Variants in FHIP2A observed in about 807,000 individuals in gnomAD.
FHIP2A encodes the protein family with sequence similarity 160 member B1.
FHIP2A carries 46 observed loss-of-function variants against 93.5 expected under a neutral mutation model. That is an observed-to-expected ratio of 0.49 (90% confidence interval 0.39 to 0.63). The LOEUF (loss-of-function observed/expected upper bound fraction) is 0.63, where lower values mean the gene tolerates loss of function less well. FHIP2A is among the 20% of genes least tolerant of loss of function. FHIP2A has a pLI of 0.00. For missense variants in FHIP2A, 769 were observed against 909.7 expected, an observed-to-expected ratio of 0.85 and a Z score of 1.99; for synonymous variants, 332 against 326.5, an observed-to-expected ratio of 1.02 and a Z score of -0.18.
rs1015044708 is a variant in FHIP2A, at chr10:114,862,024, T to C, written c.*484T>C. On this transcript the variant is annotated 3_prime_UTR_variant, in exon 17 of 17. Coordinates refer to ENST00000369248, the MANE Select transcript of FHIP2A (RefSeq NM_020940.4). ...CTTATCAAACAAAATATGAAAACTG[T>C]AAATGAGAAAAAAATACAATTCAGA... 2 of 967,892 alleles carry C rather than the reference T, an allele frequency of 2.1e-6. No homozygotes were observed. The highest frequency in any genetic ancestry group is 6.1e-5 in the Admixed American group (1 of 16,268). The allele number at this position is 967,892 out of a possible 1,614,324, so 60.0% of individuals were successfully genotyped here. A position where few individuals can be genotyped will look rare whatever the true frequency, so the allele number is the denominator to read the frequency against.
chr10:114,855,112 T>G, intron 13 of FHIP2A, 85 bp from the exon 14 acceptor site: 1 of 1,441,574 alleles, frequency 6.9e-7, no homozygotes, highest in Non-Finnish European at 9.5e-7. Context: ...AAATGGTTTT[T>G]TATATGCCTA....
chr10:114,829,650 A>C (rs1399407248), intron 1 of FHIP2A, among the ~76,000 whole-genome samples: 2 of 152,184 alleles, frequency 1.3e-5, no homozygotes, highest in African/African-American at 2.4e-5. Context: ...CGTGTGACTA[A>C]GAATGCCTAA....
Position 114,862,048 on chromosome 10 carries a change from GAA to G in FHIP2A, c.*510_*511del, listed in dbSNP as rs1373155676. 1 of 965,986 alleles carries G rather than the reference GAA, an allele frequency of 1.0e-6. No homozygotes were observed. Among genetic ancestry groups the G allele is most frequent in the Non-Finnish European group, 1.2e-6 (1 of 812,150 alleles). The allele number at this position is 965,986 out of a possible 1,614,324, so 59.8% of individuals were successfully genotyped here. A position where few individuals can be genotyped will look rare whatever the true frequency, so the allele number is the denominator to read the frequency against. ...GTAAATGAGAAAAAAATACAATTCA[GAA>G]ACCATTGAATGAATTAATTATAGGC... On this transcript the variant is annotated 3_prime_UTR_variant, in exon 17 of 17. Transcript: ENST00000369248.
intron 5 of FHIP2A, among the ~76,000 whole-genome samples, chr10:114,840,735 G>T (rs1363259723): frequency 6.6e-6 from 1 of 152,174 alleles, no homozygotes. Flanking sequence ...GAACCAATAA[G>T]GCTGCTGCTA....
At position 114,843,848 on chromosome 10, in the gene FHIP2A, A is replaced by C; in HGVS notation, c.924A>C (p.Leu308=). 6.2e-7 allele frequency: 1 copy of C among 1,611,834 alleles called. No individual in the cohort carries two copies. The highest frequency in any genetic ancestry group is 1.1e-5 in the South Asian group (1 of 90,672). The change falls in exon 7 of 17, where the codon CTA becomes CTC. Residue 308 remains leucine, a synonymous_variant. Transcript: ENST00000369248. The part of the protein sequence containing the change: ...CLTQSTCLCE[L]LTDRLASLYK... ...CACAGAGCACTTGCTTGTGTGAACT[A>C]CTGACAGACAGACTTGCCTCCCTGT...
downstream of FHIP2A, among the ~76,000 whole-genome samples, chr10:114,866,619 G>A (rs1267722116): frequency 6.6e-6 from 1 of 152,074 alleles, no homozygotes; most frequent in East Asian, 1.9e-4. Context: ...CTATGAACCA[G>A]GTATTAAGGT....
In FHIP2A at chr10:114,861,988, A is replaced by C. The variant is rs1158016401; in HGVS notation, c.*448A>C. Reference sequence around the variant, plus strand: ...AAATCACTAATTTTATAACTTTTTAAGGTCAGAATTCTTATCAAACAAAAT... The same window carrying C: ...AAATCACTAATTTTATAACTTTTTACGGTCAGAATTCTTATCAAACAAAAT... On this transcript the variant is annotated 3_prime_UTR_variant, in exon 17 of 17. Coordinates refer to ENST00000369248, the MANE Select transcript of FHIP2A (RefSeq NM_020940.4). 3.7e-5 allele frequency: 36 copies of C among 979,282 alleles called. No individual in the cohort carries two copies. The highest frequency in any genetic ancestry group is 4.2e-5 in the Non-Finnish European group (35 of 824,020). The allele number at this position is 979,282 out of a possible 1,614,324, so 60.7% of individuals were successfully genotyped here. A position where few individuals can be genotyped will look rare whatever the true frequency, so the allele number is the denominator to read the frequency against.
In FHIP2A at chr10:114,822,061, C is replaced by T; in HGVS notation, c.-18C>T. 1 of 1,301,078 alleles carries T rather than the reference C, an allele frequency of 7.7e-7. No individual in the cohort carries two copies. Among genetic ancestry groups the T allele is most frequent in the Non-Finnish European group, 1.0e-6 (1 of 1,002,288 alleles). 80.6% of individuals were successfully genotyped at this position (1,301,078 alleles called of 1,614,324 possible). ...CTCCAGGTCGTCCCGGGAGAGGCTG[C>T]TGCAGTCCCGGGACAGGATGTTCTC... On this transcript the variant is annotated 5_prime_UTR_variant, in exon 1 of 17. Coordinates refer to ENST00000369248, the MANE Select transcript of FHIP2A (RefSeq NM_020940.4).
intron 14 of FHIP2A, among the ~76,000 whole-genome samples, chr10:114,856,219 A>C (rs191994595): frequency 6.6e-6 from 1 of 152,346 alleles, no homozygotes; most frequent in East Asian, 1.9e-4. Context: ...ATTGTAATCT[A>C]AGAAGTATTT....
intron 13 of FHIP2A, among the ~76,000 whole-genome samples, chr10:114,849,804 G>A (rs368064907): frequency 6.6e-5 from 10 of 152,172 alleles, no homozygotes; most frequent in African/African-American, 1.7e-4. Flanking sequence ...CCTGGCAGCC[G>A]CTCATCTACT....
chr10:114,861,303 C>G lies in FHIP2A; in HGVS notation c.2161C>G (p.Arg721Gly). Residue 721 changes from arginine to glycine, a missense_variant, in exon 16 of 17, where the codon CGG (arginine) becomes GGG (glycine). Transcript: ENST00000369248. ...FTPKLLLVRK[R>G]LLGLEPEGPI... Reference sequence around the variant, plus strand: ...TCCCAAGCTTCTGTTAGTCAGAAAGCGGTTACTTGGTTTGGAACCTGAAGG... The same window carrying G: ...TCCCAAGCTTCTGTTAGTCAGAAAGGGGTTACTTGGTTTGGAACCTGAAGG... 1 of 1,614,130 alleles carries G rather than the reference C, an allele frequency of 6.2e-7. No homozygotes were observed. The highest frequency in any genetic ancestry group is 8.5e-7 in the Non-Finnish European group (1 of 1,180,000).
intron 1 of FHIP2A, among the ~76,000 whole-genome samples, chr10:114,827,466 G>C (rs2083583064): frequency 6.6e-6 from 1 of 152,128 alleles, no homozygotes; most frequent in Non-Finnish European, 1.5e-5. Flanking sequence ...ACAAAAGTGG[G>C]ATATGGGATA....
Position 114,862,487 on chromosome 10 carries a change from G to T in FHIP2A, c.*947G>T. On this transcript the variant is annotated 3_prime_UTR_variant, in exon 17 of 17. Transcript: ENST00000369248. ...CTTGGCAGCAATCAAAGTGCCAGTG[G>T]CTCCTCGATGTTTACATTTTTTTCT... The T allele has an allele frequency of 1.0e-6, 1 of 987,436 alleles. No individual in the cohort carries two copies. Among genetic ancestry groups the T allele is most frequent in the African/African-American group, 1.7e-5 (1 of 57,390 alleles). 61.2% of individuals were successfully genotyped at this position (987,436 alleles called of 1,614,324 possible).
In FHIP2A at chr10:114,845,357, T is replaced by C. The variant is rs1283630839; in HGVS notation, c.1014-10T>C. ...AACTTTGGACTTAGCAATTCTTCCT[T>C]GTCTTACAGCTTGGACTCATATAGT... On this transcript the variant is annotated splice_polypyrimidine_tract_variant and intron_variant, in intron 7 of 16. Coordinates refer to ENST00000369248, the MANE Select transcript of FHIP2A (RefSeq NM_020940.4). 6.5e-7 allele frequency: 1 copy of C among 1,537,982 alleles called. No homozygotes were observed. The highest frequency in any genetic ancestry group is 9.0e-7 in the Non-Finnish European group (1 of 1,113,364).
intron 16 of FHIP2A, among the ~76,000 whole-genome samples, chr10:114,890,184 C>A (rs1450703736): frequency 6.6e-6 from 1 of 152,034 alleles, no homozygotes; most frequent in Non-Finnish European, 1.5e-5. Context: ...CCCACCACAA[C>A]GCCTGGCTAA....
intron 13 of FHIP2A, among the ~76,000 whole-genome samples, chr10:114,850,987 C>T (rs535414819): frequency 2.0e-5 from 3 of 152,180 alleles, no homozygotes; most frequent in Non-Finnish European, 4.4e-5. Context: ...GATCTCGGCT[C>T]ACTGCAACCT....
intron 16 of FHIP2A, among the ~76,000 whole-genome samples, chr10:114,882,933 C>T (rs1418424791): frequency 6.6e-6 from 1 of 151,498 alleles, no homozygotes; most frequent in Non-Finnish European, 1.5e-5. Flanking sequence ...CCTTTTTCAG[C>T]TTGATCCAGA....
rs115995217 is a variant in FHIP2A at position 114,846,376 on chromosome 10, C to T, written c.1398+9C>T. The T allele has an allele frequency of 1.8e-3, 2,854 of 1,606,934 alleles. 31 individuals carry two copies. The African/African-American group carries it at 0.031, about 18-fold the overall frequency. On this transcript the variant is annotated intron_variant, in intron 10 of 16. Transcript: ENST00000369248. The stretch of plus-strand genomic sequence containing the variant: ...ATCACATATCTGATGAGGTAAGCTA[C>T]GTAATGATTTAGAATTGGACTTAGA...
chr10:114,845,375 C>T lies in FHIP2A; in HGVS notation c.1022C>T (p.Ser341Leu), dbSNP rs374839571. 6 of 1,596,482 alleles carry T rather than the reference C, an allele frequency of 3.8e-6. No homozygotes were observed. The highest frequency in any genetic ancestry group is 1.3e-5 in the African/African-American group (1 of 74,478). ...TCTTCCTTGTCTTACAGCTTGGACT[C>T]ATATAGTCATAAAGAAGATGCTTCA... The part of the protein sequence containing the change: ...TVEAINWGLD[S>L]YSHKEDASAF... The change falls in exon 8 of 17, where the codon TCA (serine) becomes TTA (leucine). Residue 341 changes from serine (S) to leucine (L), a missense_variant. Physicochemically the swap from Ser to Leu is moderately radical, Grantham distance 145. Transcript: ENST00000369248.
Sources: gnomAD v4.1 joint callset for allele counts (sites outside exome capture counted in the v4.1 genomes callset) on GRCh38, gnomAD v4.1.1 for gene constraint, MANE v1.5 for transcripts, NCBI Gene and HGNC (gene_info 2026-07-23, HGNC 2026-07-21) for gene names.